BRWD1: variants seen among roughly 807,000 people sequenced by gnomAD.
The protein encoded by BRWD1 is bromodomain and WD repeat-containing protein 1.
Under a neutral mutation model 251.2 loss-of-function variants are expected in BRWD1, and 82 were observed. The ratio of observed to expected loss-of-function variants is 0.33; its 90% CI spans 0.27 to 0.39. The LOEUF (loss-of-function observed/expected upper bound fraction) is 0.39, where lower values mean the gene tolerates loss of function less well. Among genes scored for constraint, BRWD1 ranks in the 10% least tolerant of loss-of-function variants. BRWD1 has a pLI of 1.00. For missense variants in BRWD1, 2,233 were observed against 2,711.6 expected (o/e 0.82, Z 3.92); for synonymous variants, 918 against 902.8 (o/e 1.02, Z -0.30).
At position 39,191,021 on chromosome 21, in the gene BRWD1, C is replaced by T. The variant is rs1427526082; in HGVS notation, c.*5238G>A. The T allele has an allele frequency of 3.2e-5, 32 of 985,106 alleles. No individual in the cohort carries two copies. Among genetic ancestry groups the T allele is most frequent in the Admixed American group, 6.2e-5 (1 of 16,254 alleles). The allele number at this position is 985,106 out of a possible 1,614,324, so 61.0% of individuals were successfully genotyped here. The stretch of plus-strand genomic sequence containing the variant: ...CTATTGCAATTTTTAATAAAAATCT[C>T]ATAAAAGCCTTATTTTGAAATATGA... On this transcript the variant is annotated 3_prime_UTR_variant, in exon 41 of 41. Coordinates refer to ENST00000342449, the MANE Select transcript of BRWD1 (RefSeq NM_033656.4).
intron 21 of BRWD1, among the ~76,000 whole-genome samples, chr21:39,239,155 G>C (rs2033908864): frequency 6.6e-6 from 1 of 151,956 alleles, no homozygotes; most frequent in Non-Finnish European, 1.5e-5. Flanking sequence ...TCTTTTAATA[G>C]TGTCTTTCCC....
chr21:39,314,027 G>A (rs540063401), upstream of BRWD1: 1 of 455,400 alleles, frequency 2.2e-6, no homozygotes, highest in Non-Finnish European at 4.4e-6. Context: ...GGGACCGCAG[G>A]GGCCCCGAGT....
chr21:39,200,744 GGGA>G (rs2146465197), intron 38 of BRWD1, among the ~76,000 whole-genome samples: 1 of 152,288 alleles, frequency 6.6e-6, no homozygotes, highest in East Asian at 1.9e-4. Context: ...CTAGCATTTT[GGGA>G]GGCTGAGGTG....
In BRWD1 at chr21:39,256,538, T is replaced by C. The variant is rs566436860; in HGVS notation, c.2072-710A>G. Among the ~76,000 whole-genome samples, 6 of 152,300 alleles carry C rather than the reference T, an allele frequency of 3.9e-5. No homozygotes were observed. The East Asian group carries it at 1.2e-3, about 29-fold the overall frequency. On this transcript the variant is annotated intron_variant, in intron 18 of 40. Transcript: ENST00000342449. ...GGCAATGAAGACAACACTGACGCTC[T>C]GAGCCTGAGGGGCTGCTGTTAAGGT... is the stretch of plus-strand genomic sequence containing the variant.
chr21:39,252,716 C>A (rs1006624728), intron 19 of BRWD1, among the ~76,000 whole-genome samples: 7 of 152,166 alleles, frequency 4.6e-5, no homozygotes, highest in Non-Finnish European at 8.8e-5. Context: ...CTTAGAAACA[C>A]AATACCAATT....
At position 39,188,447 on chromosome 21, in the gene BRWD1, G is replaced by A; in HGVS notation, c.*7812C>T. On this transcript the variant is annotated 3_prime_UTR_variant, in exon 41 of 41. Coordinates refer to ENST00000342449, the MANE Select transcript of BRWD1 (RefSeq NM_033656.4). ...ACATTCTTTTTACTACTAAGTACTA[G>A]AAAATGAGAGCTCTTTTAGTCAGAT... 1 of 985,316 alleles carries A rather than the reference G, an allele frequency of 1.0e-6. No individual in the cohort carries two copies. The highest frequency in any genetic ancestry group is 1.1e-4 in the East Asian group (1 of 8,816). 61.0% of individuals were successfully genotyped at this position (985,316 alleles called of 1,614,324 possible).
At chr21:39,207,292 G>A (rs1352764230) in intron 36 of BRWD1, among the ~76,000 whole-genome samples, 7 of 151,824 alleles carry the variant, frequency 4.6e-5, no homozygotes, top group South Asian at 2.1e-4. Flanking sequence ...ATAATTAGCC[G>A]GGCATGGTGG....
rs1201438518 is a variant in BRWD1 at position 39,231,618 on chromosome 21, T to C, written c.3000+559A>G. On this transcript the variant is annotated intron_variant, in intron 25 of 40. Transcript: ENST00000342449. ...CCAAATATTTTTCAGTTTCAACTACTATTAACAAAATATCCCCTAGAAAGC... is the reference window on the plus strand; with the variant it reads ...CCAAATATTTTTCAGTTTCAACTACCATTAACAAAATATCCCCTAGAAAGC... Among the ~76,000 whole-genome samples, 2 of 152,220 alleles carry C rather than the reference T, an allele frequency of 1.3e-5. 1 individual carries two copies. The highest frequency in any genetic ancestry group is 2.9e-5 in the Non-Finnish European group (2 of 68,036).
chr21:39,232,578 T>C, intron 23 of BRWD1, 80 bp from the exon 24 acceptor site: 1 of 1,495,008 alleles, frequency 6.7e-7, no homozygotes, highest in South Asian at 1.3e-5. Flanking sequence ...AAAAGAAACT[T>C]TCACCATTCA....
rs1568840411 is a variant in BRWD1, at chr21:39,186,187, C to G, written c.*10072G>C. On this transcript the variant is annotated 3_prime_UTR_variant, in exon 41 of 41. Transcript: ENST00000342449. Reference sequence around the variant, plus strand: ...AGCTATACATTTTATTTTTATCTAACTGATTAAGACCTGCCTCTTAATGAG... The same window carrying G: ...AGCTATACATTTTATTTTTATCTAAGTGATTAAGACCTGCCTCTTAATGAG... The G allele has an allele frequency of 6.6e-6, 1 of 152,098 alleles. No individual in the cohort carries two copies. Among genetic ancestry groups the G allele is most frequent in the Non-Finnish European group, 1.5e-5 (1 of 67,998 alleles). The allele number at this position is 152,098 out of a possible 1,614,324, so 9.4% of individuals were successfully genotyped here.
intron 8 of BRWD1, among the ~76,000 whole-genome samples, chr21:39,292,782 T>C (rs1339913257): frequency 1.3e-5 from 2 of 152,202 alleles, no homozygotes; most frequent in East Asian, 3.8e-4. Context: ...AGGTGAAATT[T>C]ATATTTTAAG....
intron 37 of BRWD1, among the ~76,000 whole-genome samples, chr21:39,204,733 GA>G (rs1384511524): frequency 6.6e-6 from 1 of 152,176 alleles, no homozygotes; most frequent in Non-Finnish European, 1.5e-5. Context: ...CAGAGTTCAA[GA>G]CAAAACTGTT....
At chr21:39,314,021 C>T (rs1334903820), upstream of BRWD1, 14 of 454,932 alleles carry the variant, frequency 3.1e-5, no homozygotes, top group Admixed American at 1.2e-4. Context: ...CTACGCGGGA[C>T]CGCAGGGGCC....
rs1270426743 is a variant in BRWD1 at position 39,280,739 on chromosome 21, TAAATGGTATTAC to T, written c.832-503_832-492del. ...GTTGGGCGAACAATGGATCACTGCA[TAAATGGTATTAC>T]AATTGTGCAGTAATCTGGAAAAAAA... is the stretch of plus-strand genomic sequence containing the variant. On this transcript the variant is annotated intron_variant, in intron 8 of 40. Transcript: ENST00000342449. Among the ~76,000 whole-genome samples the T allele has an allele frequency of 2.0e-5, 3 of 152,344 alleles. No homozygotes were observed. In the East Asian group the frequency reaches 5.8e-4, roughly 29 times the overall value.
chr21:39,263,629 T>C (rs189289355), intron 17 of BRWD1, among the ~76,000 whole-genome samples: 159 of 152,280 alleles, frequency 1.0e-3, no homozygotes, highest in African/African-American at 3.5e-3. Flanking sequence ...GGAGCAATGA[T>C]ACATATGATG....
At chr21:39,270,867 A>C (rs937650112) in intron 13 of BRWD1, among the ~76,000 whole-genome samples, 5 of 152,254 alleles carry the variant, frequency 3.3e-5, no homozygotes, top group Non-Finnish European at 5.9e-5. Context: ...ACTGACACAC[A>C]GATGTTCAAT....
intron 4 of BRWD1, among the ~76,000 whole-genome samples, chr21:39,303,519 C>CAA (rs34013314): frequency 0.012 from 1,063 of 91,584 alleles, 10 homozygotes; most frequent in Non-Finnish European, 0.015. Flanking sequence ...ACTCCATCTC[C>CAA]AAAAAAAAAA....
chr21:39,196,937 TCTTTTAGAAGGTG>T lies in BRWD1; in HGVS notation c.6119_6131del (p.Ala2040GlufsTer46). 6.2e-7 allele frequency: 1 copy of T among 1,613,906 alleles called. No homozygotes were observed. The highest frequency in any genetic ancestry group is 8.5e-7 in the Non-Finnish European group (1 of 1,179,920). On this transcript the variant is annotated frameshift_variant, in exon 41 of 41. Coordinates refer to ENST00000342449, the MANE Select transcript of BRWD1 (RefSeq NM_033656.4). LOFTEE classifies it low-confidence loss of function (END_TRUNC). ...CTGAAGATGTAACAGAGGAACTTTT[TCTTTTAGAAGGTG>T]CATCTATTTTGTGAATATTGGTATG... is the stretch of plus-strand genomic sequence containing the variant.
At chr21:39,316,729 A>G (rs189427944), upstream of BRWD1, among the ~76,000 whole-genome samples, 41 of 152,354 alleles carry the variant, frequency 2.7e-4, no homozygotes, top group East Asian at 5.8e-3. Context: ...GCTTGAGCCC[A>G]GGAGTTCGAG....
Sources: allele counts gnomAD v4.1 joint callset (sites outside exome capture counted in the v4.1 genomes callset), GRCh38; gene constraint gnomAD v4.1.1; transcripts MANE v1.5; gene names NCBI Gene and HGNC (gene_info 2026-07-23, HGNC 2026-07-21).